TOX: variants seen among roughly 807,000 people sequenced by gnomAD.
TOX encodes the protein thymocyte selection-associated high mobility group box protein TOX.
In TOX, 11 loss-of-function variants were observed where a neutral mutation model predicts 53.7. That is an observed-to-expected ratio of 0.20 (90% confidence interval 0.13 to 0.34). TOX has a LOEUF of 0.34. TOX is among the 10% of genes least tolerant of loss of function. TOX has a pLI of 1.00. For missense variants in TOX, 570 were observed against 664.6 expected, an observed-to-expected ratio of 0.86 and a Z score of 1.56; for synonymous variants, 225 against 245.3, an observed-to-expected ratio of 0.92 and a Z score of 0.77.
At chr8:59,069,443 C>T (rs1032257205) in intron 1 of TOX, among the ~76,000 whole-genome samples, 29 of 152,074 alleles carry the variant, frequency 1.9e-4, no homozygotes, top group African/African-American at 7.0e-4. Flanking sequence ...GCCTAAGTGG[C>T]AGTTGAATAT....
intron 3 of TOX, among the ~76,000 whole-genome samples, chr8:58,932,923 C>T (rs766739332): frequency 1.3e-5 from 2 of 152,052 alleles, no homozygotes; most frequent in East Asian, 1.9e-4. Context: ...TGCTTTTGTT[C>T]GCTGGAAAAA....
intron 1 of TOX, among the ~76,000 whole-genome samples, chr8:58,961,735 C>T (rs1432983412): frequency 2.0e-5 from 3 of 150,894 alleles, no homozygotes; most frequent in Non-Finnish European, 3.0e-5. Context: ...GAACTCTTGA[C>T]CTCAGCCTCC....
At chr8:58,921,376 C>G (rs568174195) in intron 3 of TOX, among the ~76,000 whole-genome samples, 2 of 152,204 alleles carry the variant, frequency 1.3e-5, no homozygotes, top group East Asian at 3.9e-4. Flanking sequence ...GAATCGGATC[C>G]AAATGTCAAA....
At chr8:59,013,413 C>CTTTT (rs35734986) in intron 1 of TOX, among the ~76,000 whole-genome samples, 34 of 146,332 alleles carry the variant, frequency 2.3e-4, no homozygotes, top group Non-Finnish European at 2.4e-4. Flanking sequence ...TCAGATAGGC[C>CTTTT]TTTTTTTTTT....
At chr8:58,901,477 A>T (rs1039517445) in intron 3 of TOX, among the ~76,000 whole-genome samples, 3 of 152,176 alleles carry the variant, frequency 2.0e-5, no homozygotes, top group African/African-American at 7.2e-5. Context: ...GAAATCTTTC[A>T]TTATGCATGT....
rs542307101 is a variant in TOX at position 58,960,133 on chromosome 8, G to A, written c.103-125C>T. ...AGTAGCCATAAAAAATACTGCGGCTGGGACTATGGAAAATCTGTCACAGCA... is the reference window on the plus strand; with the variant it reads ...AGTAGCCATAAAAAATACTGCGGCTAGGACTATGGAAAATCTGTCACAGCA... On this transcript the variant is annotated intron_variant, in intron 1 of 8. Transcript: ENST00000361421. The A allele has an allele frequency of 4.5e-4, 454 of 999,558 alleles. 1 individual carries two copies. The African/African-American group carries it at 6.3e-3, about 14-fold the overall frequency. 61.9% of individuals were successfully genotyped at this position (999,558 alleles called of 1,614,324 possible).
rs539178679 is a variant in TOX at position 59,111,233 on chromosome 8, T to C, written c.102+7653A>G. Among the ~76,000 whole-genome samples, 6 of 152,244 alleles carry C rather than the reference T, an allele frequency of 3.9e-5. No homozygotes were observed. The South Asian group carries it at 1.2e-3, about 32-fold the overall frequency. ...TAGACTTAACGGCACTTGGTTTTTA[T>C]CTCAAATATTCAACATAATGGAGTC... is the stretch of plus-strand genomic sequence containing the variant. On this transcript the variant is annotated intron_variant, in intron 1 of 8. Transcript: ENST00000361421.
At chr8:59,056,018 A>T (rs1330765380) in intron 1 of TOX, among the ~76,000 whole-genome samples, 2 of 152,202 alleles carry the variant, frequency 1.3e-5, no homozygotes, top group African/African-American at 4.8e-5. Flanking sequence ...ACTGCTCATA[A>T]ACATTTCTCT....
intron 5 of TOX, among the ~76,000 whole-genome samples, chr8:58,832,125 T>C (rs984052878): frequency 1.4e-5 from 2 of 147,944 alleles, no homozygotes; most frequent in Non-Finnish European, 3.0e-5. Context: ...ATATATAATA[T>C]ATGTAATATA....
intron 3 of TOX, among the ~76,000 whole-genome samples, chr8:58,858,928 A>G (rs527563560): frequency 3.9e-5 from 6 of 152,334 alleles, no homozygotes; most frequent in South Asian, 4.1e-4. Context: ...AAATGTTGAT[A>G]TTATTTAAGT....
intron 1 of TOX, among the ~76,000 whole-genome samples, chr8:58,976,254 G>A (rs28820372): frequency 0.068 from 10,391 of 152,228 alleles, 491 homozygotes; most frequent in Middle Eastern, 0.13. Flanking sequence ...TAAATATTTT[G>A]TTGTTATTTC....
At chr8:58,966,417 C>A (rs1812900902) in intron 1 of TOX, among the ~76,000 whole-genome samples, 1 of 152,154 alleles carries the variant, frequency 6.6e-6, no homozygotes, top group Admixed American at 6.5e-5. Context: ...TAGGGAAGAG[C>A]AATCCCTCTT....
intron 1 of TOX, among the ~76,000 whole-genome samples, chr8:59,034,333 T>C (rs1814415348): frequency 6.6e-6 from 1 of 152,232 alleles, no homozygotes; most frequent in Non-Finnish European, 1.5e-5. Flanking sequence ...GCTACCCAAA[T>C]GCCAGCGCTG....
chr8:58,969,422 A>G (rs1812961336), intron 1 of TOX, among the ~76,000 whole-genome samples: 1 of 152,190 alleles, frequency 6.6e-6, no homozygotes, highest in African/African-American at 2.4e-5. Flanking sequence ...AAGTCTTTCA[A>G]TCCATCATCA....
chr8:59,055,705 T>C (rs1010267638), intron 1 of TOX, among the ~76,000 whole-genome samples: 1 of 152,180 alleles, frequency 6.6e-6, no homozygotes, highest in African/African-American at 2.4e-5. Context: ...GAAAAACATT[T>C]TCTTCAAGGT....
In TOX at chr8:58,897,304, T is replaced by C. The variant is rs16924217; in HGVS notation, c.411+41998A>G. On this transcript the variant is annotated intron_variant, in intron 3 of 8. Coordinates refer to ENST00000361421, the MANE Select transcript of TOX (RefSeq NM_014729.3). Reference sequence around the variant, plus strand: ...TTCAATGTACCTGTCCTACAACTTTTCTATCTGGATGGCAGAATTTAATAA... The same window carrying C: ...TTCAATGTACCTGTCCTACAACTTTCCTATCTGGATGGCAGAATTTAATAA... Among the ~76,000 whole-genome samples the C allele has an allele frequency of 8.2e-3, 1,246 of 152,298 alleles. 52 individuals are homozygous for C. Among genetic ancestry groups the C allele is most frequent in the Admixed American group, 0.064 (980 of 15,296 alleles).
chr8:59,010,402 A>G (rs1351370715), intron 1 of TOX, among the ~76,000 whole-genome samples: 1 of 152,240 alleles, frequency 6.6e-6, no homozygotes, highest in African/African-American at 2.4e-5. Flanking sequence ...TTTATGTGTG[A>G]GTGCTGACAA....
chr8:58,994,391 AGTGT>A (rs34690974), intron 1 of TOX, among the ~76,000 whole-genome samples: 12,413 of 147,022 alleles, frequency 0.084, 650 homozygotes, highest in Middle Eastern at 0.2. Context: ...CAAAATGCCA[AGTGT>A]GTGTGTGTGT....
intron 3 of TOX, among the ~76,000 whole-genome samples, chr8:58,909,550 C>A (rs1224011057): frequency 6.6e-6 from 1 of 152,064 alleles, no homozygotes; most frequent in Non-Finnish European, 1.5e-5. Context: ...CCTCCCACAC[C>A]TGATTTCAGA....
Sources: allele counts gnomAD v4.1 joint callset (sites outside exome capture counted in the v4.1 genomes callset), GRCh38; gene constraint gnomAD v4.1.1; transcripts MANE v1.5; gene names NCBI Gene and HGNC (gene_info 2026-07-23, HGNC 2026-07-21).